FARSB: variants seen among roughly 807,000 people sequenced by gnomAD.
FARSB encodes phenylalanyl-tRNA synthetase subunit beta.
In FARSB, 40 loss-of-function variants were observed where a neutral mutation model predicts 69.6. The observed-to-expected ratio is 0.57, with a 90% CI of 0.45 to 0.75. The LOEUF is 0.75. FARSB is among the 30% of genes least tolerant of loss of function. The pLI, the probability that FARSB is intolerant of heterozygous loss-of-function variation, is 0.00. For missense variants in FARSB, 632 were observed against 722.9 expected (o/e 0.87, Z 1.44); for synonymous variants, 235 against 247.2 (o/e 0.95, Z 0.46).
chr2:222,604,483 C>T (rs906639914), intron 15 of FARSB, among the ~76,000 whole-genome samples: 5 of 152,180 alleles, frequency 3.3e-5, no homozygotes, highest in African/African-American at 1.2e-4. Flanking sequence ...ATTCAAGGCG[C>T]TCTATTCTAG....
Position 222,631,740 on chromosome 2 carries a change from C to T in FARSB, c.716-66G>A, listed in dbSNP as rs561176406. On this transcript the variant is annotated intron_variant, in intron 7 of 16. Coordinates refer to ENST00000281828, the MANE Select transcript of FARSB (RefSeq NM_005687.5). ...TCAGAAATAGAAGTGCACTATTAAGCTCAACAAAACAGAAACTACATTTTA... is the reference window on the plus strand; with the variant it reads ...TCAGAAATAGAAGTGCACTATTAAGTTCAACAAAACAGAAACTACATTTTA... 32 of 888,804 alleles carry T rather than the reference C, an allele frequency of 3.6e-5. No individual in the cohort carries two copies. In the East Asian group the frequency reaches 7.3e-4, roughly 20 times the overall value. 55.1% of individuals were successfully genotyped at this position (888,804 alleles called of 1,614,324 possible).
Position 222,642,936 on chromosome 2 carries a change from GAAC to G in FARSB, c.181_183del (p.Val61del). Reference sequence around the variant, plus strand: ...TTGGCAGGGACGTCAATTTTGTAAAGAACAACATCAGAGGCTCCTGCTGCCTTT... The same window carrying G: ...TTGGCAGGGACGTCAATTTTGTAAAGAACATCAGAGGCTCCTGCTGCCTTT... On this transcript the variant is annotated inframe_deletion, in exon 3 of 17. Coordinates refer to ENST00000281828, the MANE Select transcript of FARSB (RefSeq NM_005687.5). The G allele has an allele frequency of 6.2e-7, 1 of 1,612,018 alleles. No homozygotes were observed.
At chr2:222,622,074 C>T (rs914635640) in intron 13 of FARSB, among the ~76,000 whole-genome samples, 10 of 152,048 alleles carry the variant, frequency 6.6e-5, no homozygotes, top group African/African-American at 2.4e-4. Flanking sequence ...ACAGCCATGG[C>T]GTAGGACAAG....
intron 16 of FARSB, among the ~76,000 whole-genome samples, chr2:222,588,127 A>G (rs1369466869): frequency 6.6e-6 from 1 of 151,940 alleles, no homozygotes; most frequent in Non-Finnish European, 1.5e-5. Flanking sequence ...TACTGGCAAA[A>G]CGAATCCAGC....
rs557605833 is a variant in FARSB at position 222,603,413 on chromosome 2, T to C, written c.1463-3330A>G. The stretch of plus-strand genomic sequence containing the variant: ...CTCTAATATTAAAATAATATAAAAG[T>C]AAGCACATAAATGGAGGAAAACGAA... On this transcript the variant is annotated intron_variant, in intron 15 of 16. Coordinates refer to ENST00000281828, the MANE Select transcript of FARSB (RefSeq NM_005687.5). Among the ~76,000 whole-genome samples, 10 of 152,130 alleles carry C rather than the reference T, an allele frequency of 6.6e-5. No individual in the cohort carries two copies. In the East Asian group the frequency reaches 1.7e-3, roughly 26 times the overall value.
intron 15 of FARSB, 46 bp downstream of exon 15, chr2:222,613,765 A>C: frequency 4.1e-6 from 5 of 1,227,960 alleles, no homozygotes; most frequent in Non-Finnish European, 6.0e-6. Context: ...ATAATGAAAA[A>C]AATGTTTTAA....
At chr2:222,650,137 G>A (rs950206993) in intron 1 of FARSB, among the ~76,000 whole-genome samples, 7 of 152,178 alleles carry the variant, frequency 4.6e-5, no homozygotes, top group African/African-American at 1.2e-4. Flanking sequence ...GGATGAGTTC[G>A]TTAGGCAGAG....
chr2:222,625,490 C>A (rs375500775), intron 10 of FARSB, among the ~76,000 whole-genome samples: 1 of 152,162 alleles, frequency 6.6e-6, no homozygotes, highest in Non-Finnish European at 1.5e-5. Flanking sequence ...ACTCAAAATG[C>A]GGTCCTCAGA....
Position 222,571,691 on chromosome 2 carries a change from T to G in FARSB, c.*180A>C. 1 of 565,568 alleles carries G rather than the reference T, an allele frequency of 1.8e-6. No individual in the cohort carries two copies. The highest frequency in any genetic ancestry group is 3.2e-5 in the East Asian group (1 of 31,272). The allele number at this position is 565,568 out of a possible 1,614,324, so 35.0% of individuals were successfully genotyped here. A position where few individuals can be genotyped will look rare whatever the true frequency, so the allele number is the denominator to read the frequency against. The stretch of plus-strand genomic sequence containing the variant: ...CACACACAGACACCACACTGGTATA[T>G]GGCACAAGCTGGCCTAATATGCAGG... On this transcript the variant is annotated 3_prime_UTR_variant, in exon 17 of 17. Transcript: ENST00000281828.
At chr2:222,644,949 G>A (rs1399368504) in intron 2 of FARSB, among the ~76,000 whole-genome samples, 3 of 149,972 alleles carry the variant, frequency 2.0e-5, no homozygotes, top group Non-Finnish European at 3.0e-5. Context: ...TGTGGATAAG[G>A]AGGAACTACT....
intron 16 of FARSB, among the ~76,000 whole-genome samples, chr2:222,578,848 G>A (rs1167022156): frequency 6.6e-6 from 1 of 152,250 alleles, no homozygotes; most frequent in African/African-American, 2.4e-5. Context: ...CAGGCGTGAC[G>A]GTGGGCGCCT....
At chr2:222,647,310 A>G (rs994030413) in intron 2 of FARSB, among the ~76,000 whole-genome samples, 2 of 152,222 alleles carry the variant, frequency 1.3e-5, no homozygotes, top group African/African-American at 4.8e-5. Context: ...CAGGGCTGTC[A>G]CAAATTCTAC....
chr2:222,650,368 G>C (rs964565684), intron 1 of FARSB, among the ~76,000 whole-genome samples: 3 of 152,204 alleles, frequency 2.0e-5, no homozygotes, highest in Admixed American at 6.5e-5. Flanking sequence ...ACTGCTCGCA[G>C]AGTAGAGGAT....
chr2:222,587,142 A>T (rs1030621472), intron 16 of FARSB, among the ~76,000 whole-genome samples: 5 of 152,244 alleles, frequency 3.3e-5, no homozygotes, highest in African/African-American at 9.6e-5. Flanking sequence ...AAGAACAGAA[A>T]TTATAGCAAA....
intron 10 of FARSB, among the ~76,000 whole-genome samples, chr2:222,625,591 C>T (rs1044215068): frequency 6.6e-6 from 1 of 152,118 alleles, no homozygotes; most frequent in African/African-American, 2.4e-5. Flanking sequence ...CTACTGAAGC[C>T]CAATCTGCAC....
intron 1 of FARSB, among the ~76,000 whole-genome samples, chr2:222,650,892 ACTC>A (rs1692019528): frequency 6.6e-6 from 1 of 152,176 alleles, no homozygotes; most frequent in Non-Finnish European, 1.5e-5. Flanking sequence ...CTTGTTTTAC[ACTC>A]CTAAGTACCA....
rs140054115 is a variant in FARSB, at chr2:222,636,703, T to C, written c.456-2162A>G. 9.1e-4 allele frequency among the ~76,000 whole-genome samples: 138 copies of C among 152,334 alleles called. 1 individual carries two copies. The highest frequency in any genetic ancestry group is 3.4e-3 in the Middle Eastern group (1 of 294). The stretch of plus-strand genomic sequence containing the variant: ...CTATAATAGAGCAGCAACTGAAAGC[T>C]GAAAGAACTGAGCAGAAAACTGAAC... On this transcript the variant is annotated intron_variant, in intron 5 of 16. Transcript: ENST00000281828.
In FARSB at chr2:222,619,634, A is replaced by G; in HGVS notation, c.1344+11T>C. 6.9e-7 allele frequency: 1 copy of G among 1,459,106 alleles called. No individual in the cohort carries two copies. The highest frequency in any genetic ancestry group is 9.6e-7 in the Non-Finnish European group (1 of 1,040,310). The allele number at this position is 1,459,106 out of a possible 1,614,324, so 90.4% of individuals were successfully genotyped here. A position where few individuals can be genotyped will look rare whatever the true frequency, so the allele number is the denominator to read the frequency against. On this transcript the variant is annotated intron_variant, in intron 14 of 16. Transcript: ENST00000281828. The stretch of plus-strand genomic sequence containing the variant: ...TTTTTACATGAATTCTCACCTACTT[A>G]AAATTCTTACCTGAAATTCAGCTGT...
chr2:222,608,710 T>G (rs1174333779), intron 15 of FARSB, among the ~76,000 whole-genome samples: 1 of 152,216 alleles, frequency 6.6e-6, no homozygotes, highest in African/African-American at 2.4e-5. Flanking sequence ...TTTTAAAAAC[T>G]ATTTTGTCAG....
Sources: gnomAD v4.1 joint callset for allele counts (sites outside exome capture counted in the v4.1 genomes callset) on GRCh38, gnomAD v4.1.1 for gene constraint, MANE v1.5 for transcripts, NCBI Gene and HGNC (gene_info 2026-07-23, HGNC 2026-07-21) for gene names.